GABRB2: variants seen among roughly 807,000 people sequenced by gnomAD.
GABRB2 encodes the protein gamma-aminobutyric acid type A receptor subunit beta2.
GABRB2 carries 16 observed loss-of-function variants against 54.7 expected under a neutral mutation model. The observed-to-expected ratio is 0.29, with a 90% CI of 0.20 to 0.44. GABRB2 has a LOEUF of 0.44. Ranked by LOEUF, GABRB2 falls within the 20% of genes least tolerant of loss-of-function variation. The pLI, the probability that GABRB2 is intolerant of heterozygous loss-of-function variation, is 1.00. For synonymous variants in GABRB2, 244 were observed against 233.8 expected, an observed-to-expected ratio of 1.04 and a Z score of -0.40; for missense variants, 355 against 644.0, an observed-to-expected ratio of 0.55 and a Z score of 4.86.
At chr5:161,349,421 T>C (rs187140068) in intron 5 of GABRB2, among the ~76,000 whole-genome samples, 3 of 152,262 alleles carry the variant, frequency 2.0e-5, no homozygotes, top group East Asian at 1.9e-4. Flanking sequence ...AAGTTGAATA[T>C]GGAATTAGTA....
At chr5:161,500,829 AT>A (rs201481372) in intron 3 of GABRB2, among the ~76,000 whole-genome samples, 15 of 151,582 alleles carry the variant, frequency 9.9e-5, no homozygotes, top group East Asian at 5.8e-4. Flanking sequence ...ATGTTTCTTG[AT>A]TTTTTTTTCT....
intron 4 of GABRB2, among the ~76,000 whole-genome samples, chr5:161,433,127 T>C (rs1561648241): frequency 6.6e-6 from 1 of 152,138 alleles, no homozygotes; most frequent in Non-Finnish European, 1.5e-5. Flanking sequence ...AGGTATTATG[T>C]GTTAAGAAGC....
intron 3 of GABRB2, among the ~76,000 whole-genome samples, chr5:161,460,323 C>T (rs952101416): frequency 2.0e-5 from 3 of 151,600 alleles, no homozygotes; most frequent in East Asian, 1.9e-4. Flanking sequence ...CAAATACAAA[C>T]ATATACTGTT....
chr5:161,543,246 A>G (rs1760874542), intron 3 of GABRB2, among the ~76,000 whole-genome samples: 1 of 152,210 alleles, frequency 6.6e-6, no homozygotes, highest in African/African-American at 2.4e-5. Context: ...AACTGGATCT[A>G]TATTTTGACT....
chr5:161,479,023 T>C (rs1453450708), intron 3 of GABRB2, among the ~76,000 whole-genome samples: 2 of 152,044 alleles, frequency 1.3e-5, no homozygotes, highest in Non-Finnish European at 2.9e-5. Context: ...GACAAGCTTG[T>C]AGAACCTGAG....
At chr5:161,421,603 T>C (rs1057115406) in intron 4 of GABRB2, among the ~76,000 whole-genome samples, 2 of 152,136 alleles carry the variant, frequency 1.3e-5, no homozygotes, top group Non-Finnish European at 2.9e-5. Context: ...ATGGAAAATA[T>C]GTGTGAGAGC....
intron 5 of GABRB2, among the ~76,000 whole-genome samples, chr5:161,361,531 A>G (rs1409721010): frequency 6.6e-6 from 1 of 152,142 alleles, no homozygotes; most frequent in Non-Finnish European, 1.5e-5. Context: ...TCAGTACACT[A>G]TATTTTCTAT....
At position 161,289,578 on chromosome 5, in the gene GABRB2, G is replaced by A. The variant is rs1096; in HGVS notation, c.*4503C>T. On this transcript the variant is annotated 3_prime_UTR_variant, in exon 10 of 10. Coordinates refer to ENST00000393959, the MANE Select transcript of GABRB2 (RefSeq NM_001371727.1). Reference sequence around the variant, plus strand: ...AGTGCCATCTATACAAACTTTTACTGTTTGAAAACTGAGATTTAAGTTGCA... The same window carrying A: ...AGTGCCATCTATACAAACTTTTACTATTTGAAAACTGAGATTTAAGTTGCA... The A allele has an allele frequency of 0.11, 17,342 of 151,908 alleles. 1,162 individuals carry two copies. Among genetic ancestry groups the A allele is most frequent in the Non-Finnish European group, 0.15 (10,212 of 67,928 alleles). The allele number at this position is 151,908 out of a possible 1,614,324, so 9.4% of individuals were successfully genotyped here.
chr5:161,362,895 C>T (rs1026842496), intron 5 of GABRB2, among the ~76,000 whole-genome samples: 2 of 151,980 alleles, frequency 1.3e-5, no homozygotes, highest in African/African-American at 4.8e-5. Flanking sequence ...CTGGAGAGGA[C>T]GTGGAGAAAT....
chr5:161,471,758 C>T lies in GABRB2; in HGVS notation c.238-11914G>A, dbSNP rs532306896. 1.2e-4 allele frequency among the ~76,000 whole-genome samples: 18 copies of T among 152,062 alleles called. No individual in the cohort carries two copies. The South Asian group carries it at 2.5e-3, about 21-fold the overall frequency. On this transcript the variant is annotated intron_variant, in intron 3 of 9. Coordinates refer to ENST00000393959, the MANE Select transcript of GABRB2 (RefSeq NM_001371727.1). ...ATTCCTAGCAGAGGACTCAGTTCACCTTGAGATAATCAACATTAAAAGTGT... is the reference window on the plus strand; with the variant it reads ...ATTCCTAGCAGAGGACTCAGTTCACTTTGAGATAATCAACATTAAAAGTGT...
At chr5:161,460,074 A>G (rs1758072865) in intron 3 of GABRB2, among the ~76,000 whole-genome samples, 1 of 152,084 alleles carries the variant, frequency 6.6e-6, no homozygotes, top group South Asian at 2.1e-4. Context: ...CCTTCCAAGT[A>G]GCTGAGATTA....
chr5:161,312,852 C>T (rs1025270368), intron 9 of GABRB2, among the ~76,000 whole-genome samples: 13 of 151,634 alleles, frequency 8.6e-5, no homozygotes, highest in African/African-American at 3.2e-4. Context: ...CTATAAAGTG[C>T]TGTTATGGGG....
At chr5:161,298,320 A>G (rs153301) in intron 9 of GABRB2, among the ~76,000 whole-genome samples, 17,758 of 152,006 alleles carry the variant, frequency 0.12, 1,145 homozygotes, top group Non-Finnish European at 0.14. Context: ...TGTTGCCATT[A>G]CTTTTGGCAT....
intron 5 of GABRB2, among the ~76,000 whole-genome samples, chr5:161,389,834 G>A (rs1755764694): frequency 6.6e-6 from 1 of 151,816 alleles, no homozygotes; most frequent in South Asian, 2.1e-4. Flanking sequence ...CAAACCTGAA[G>A]TTTTATTTCT....
At chr5:161,439,743 T>A (rs1757410040) in intron 4 of GABRB2, among the ~76,000 whole-genome samples, 1 of 151,982 alleles carries the variant, frequency 6.6e-6, no homozygotes, top group South Asian at 2.1e-4. Flanking sequence ...TAAGTTGTTA[T>A]CAGGTTAAAA....
intron 4 of GABRB2, among the ~76,000 whole-genome samples, chr5:161,428,863 A>G (rs1354033648): frequency 2.6e-5 from 4 of 152,192 alleles, no homozygotes; most frequent in African/African-American, 9.6e-5. Flanking sequence ...TAATAATGAA[A>G]GCACAAAAAC....
At chr5:161,420,136 C>G (rs1756805388) in intron 4 of GABRB2, among the ~76,000 whole-genome samples, 1 of 151,990 alleles carries the variant, frequency 6.6e-6, no homozygotes, top group Non-Finnish European at 1.5e-5. Context: ...AAATATCTCT[C>G]TAATATTTTA....
intron 3 of GABRB2, among the ~76,000 whole-genome samples, chr5:161,491,370 A>C (rs577857871): frequency 6.6e-6 from 1 of 151,810 alleles, no homozygotes; most frequent in South Asian, 2.1e-4. Context: ...TAAGAAAGAA[A>C]TGTATTTATT....
intron 5 of GABRB2, among the ~76,000 whole-genome samples, chr5:161,389,144 T>C (rs1755739493): frequency 6.6e-6 from 1 of 152,006 alleles, no homozygotes; most frequent in Admixed American, 6.6e-5. Flanking sequence ...TAGTTTTCAA[T>C]TCAGTGAACT....
Sources: gnomAD v4.1 joint callset for allele counts (sites outside exome capture counted in the v4.1 genomes callset) on GRCh38, gnomAD v4.1.1 for gene constraint, MANE v1.5 for transcripts, NCBI Gene and HGNC (gene_info 2026-07-23, HGNC 2026-07-21) for gene names.